MAP1B: variants seen among roughly 807,000 people sequenced by gnomAD.
MAP1B encodes the protein microtubule-associated protein 1B.
In MAP1B, 12 loss-of-function variants were observed where a neutral mutation model predicts 176.1. The observed-to-expected ratio is 0.07, with a 90% confidence interval of 0.04 to 0.11. MAP1B has a LOEUF of 0.11. MAP1B is among the 10% of genes least tolerant of loss of function. The probability of loss-of-function intolerance (pLI) is 1.00; values close to 1 mark genes in which losing one functional copy is unlikely to be tolerated. For synonymous variants in MAP1B, 1,044 were observed against 1,135.0 expected (o/e 0.92, Z 1.61); for missense variants, 2,523 against 2,990.5 (o/e 0.84, Z 3.65).
At position 72,204,945 on chromosome 5, in the gene MAP1B, T is replaced by C. The variant is rs548860370; in HGVS notation, c.7252-139T>C. 6.9e-6 allele frequency: 4 copies of C among 578,168 alleles called. No individual in the cohort carries two copies. Among genetic ancestry groups the C allele is most frequent in the African/African-American group, 5.7e-5 (3 of 53,080 alleles). The allele number at this position is 578,168 out of a possible 1,614,324, so 35.8% of individuals were successfully genotyped here. ...GGAAAATATACATTGAAAAATCCTT[T>C]GCATTTCTTGAGGAAAATAGAAAAG... On this transcript the variant is annotated intron_variant, in intron 6 of 6. Transcript: ENST00000296755. This position sits in a 1 kb window ranked among gnomAD's most constrained non-coding sequence, Gnocchi z 4.4.
rs1747093060 is a variant in MAP1B, at chr5:72,194,249, C to T, written c.894C>T (p.Ile298=). ...GAAAATCCTGCTTCTGGAAGCTCATCCGACACTTAGACCGAGTGGACTCCA... is the reference window on the plus strand; with the variant it reads ...GAAAATCCTGCTTCTGGAAGCTCATTCGACACTTAGACCGAGTGGACTCCA... The part of the protein sequence containing the change: ...SERKSCFWKL[I]RHLDRVDSIL... The change falls in exon 5 of 7, where the codon ATC becomes ATT. Residue 298 remains isoleucine, a synonymous_variant. Transcript: ENST00000296755. This position sits in a 1 kb window ranked among gnomAD's most constrained non-coding sequence, Gnocchi z 7.2. 3 of 1,614,184 alleles carry T rather than the reference C, an allele frequency of 1.9e-6. No homozygotes were observed. Among genetic ancestry groups the T allele is most frequent in the South Asian group, 1.1e-5 (1 of 91,072 alleles).
chr5:72,129,657 G>T (rs534223912), intron 2 of MAP1B, among the ~76,000 whole-genome samples: 1 of 151,728 alleles, frequency 6.6e-6, no homozygotes, highest in African/African-American at 2.4e-5. Flanking sequence ...TCCCTCACGC[G>T]TTTTCCCCTC....
rs1037796278 is a variant in MAP1B, at chr5:72,195,644, A to G, written c.2289A>G (p.Glu763=). The G allele has an allele frequency of 2.2e-5, 35 of 1,614,146 alleles. No individual in the cohort carries two copies. The highest frequency in any genetic ancestry group is 2.9e-5 in the Non-Finnish European group (34 of 1,180,054). Residue 763 remains glutamate (E), a synonymous_variant, in exon 5 of 7, where the codon GAA becomes GAG. Coordinates refer to ENST00000296755, the MANE Select transcript of MAP1B (RefSeq NM_005909.5). ...AALKPKVPKK[E]ESVKKDSVAA... is the part of the protein sequence containing the mutation. Reference sequence around the variant, plus strand: ...TAAAACCAAAAGTACCCAAGAAGGAAGAGTCTGTCAAGAAAGATTCTGTTG... The same window carrying G: ...TAAAACCAAAAGTACCCAAGAAGGAGGAGTCTGTCAAGAAAGATTCTGTTG...
chr5:72,203,195 G>C (rs966360437), intron 5 of MAP1B, among the ~76,000 whole-genome samples: 1 of 152,106 alleles, frequency 6.6e-6, no homozygotes, highest in Admixed American at 6.5e-5. Context: ...CTACTTCTTA[G>C]ATCACTTATC....
At chr5:72,151,513 G>T (rs1341700927) in intron 2 of MAP1B, among the ~76,000 whole-genome samples, 1 of 152,176 alleles carries the variant, frequency 6.6e-6, no homozygotes, top group Non-Finnish European at 1.5e-5. Flanking sequence ...TAAAAAAATG[G>T]CTATGTGGAA....
At position 72,127,160 on chromosome 5, in the gene MAP1B, T is replaced by C. The variant is rs540397253; in HGVS notation, c.286+11361T>C. On this transcript the variant is annotated intron_variant, in intron 2 of 6. Coordinates refer to ENST00000296755, the MANE Select transcript of MAP1B (RefSeq NM_005909.5). ...TAAAAGTCCCAGGCACATTGTTTGT[T>C]ATCGCTAACTGCGGATGGCCTGAAT... 1.5e-4 allele frequency among the ~76,000 whole-genome samples: 23 copies of C among 152,346 alleles called. No homozygotes were observed. In the East Asian group the frequency reaches 4.0e-3, roughly 27 times the overall value.
At chr5:72,130,861 G>A (rs559289414) in intron 2 of MAP1B, among the ~76,000 whole-genome samples, 11 of 152,224 alleles carry the variant, frequency 7.2e-5, no homozygotes, top group African/African-American at 2.6e-4. Flanking sequence ...TTCAAATAAT[G>A]TTTTTTCAAA....
At chr5:72,121,180 A>G (rs904614157) in intron 2 of MAP1B, among the ~76,000 whole-genome samples, 6 of 152,296 alleles carry the variant, frequency 3.9e-5, no homozygotes, top group African/African-American at 9.6e-5. Context: ...ACGTGTGCAC[A>G]GTTTGAGGGC....
chr5:72,188,340 C>G (rs1054353287), intron 4 of MAP1B, among the ~76,000 whole-genome samples: 4 of 152,206 alleles, frequency 2.6e-5, no homozygotes, highest in African/African-American at 9.6e-5. Context: ...AGAGAGAAAG[C>G]TGCAGAAGGC....
intron 2 of MAP1B, among the ~76,000 whole-genome samples, chr5:72,121,241 C>T (rs997212306): frequency 7.4e-5 from 11 of 149,488 alleles, no homozygotes; most frequent in Non-Finnish European, 1.2e-4. Flanking sequence ...CCCTCCACGC[C>T]GTTCTACACT....
At chr5:72,172,776 G>A (rs1251444807) in intron 2 of MAP1B, among the ~76,000 whole-genome samples, 1 of 152,176 alleles carries the variant, frequency 6.6e-6, no homozygotes, top group Non-Finnish European at 1.5e-5. Flanking sequence ...TTTTAAAGGA[G>A]GTCACTTATT....
At chr5:72,203,837 GA>G in intron 6 of MAP1B, 36 bp downstream of exon 6, 1 of 1,590,076 alleles carries the variant, frequency 6.3e-7, no homozygotes, top group Non-Finnish European at 8.6e-7. Context: ...ACTGCCGATT[GA>G]GCTGTGTCCA....
intron 2 of MAP1B, among the ~76,000 whole-genome samples, chr5:72,168,354 G>A (rs760866541): frequency 5.9e-5 from 9 of 152,122 alleles, no homozygotes; most frequent in Non-Finnish European, 1.2e-4. Context: ...CTCTAGGGCC[G>A]GCTTACCTGT....
intron 2 of MAP1B, among the ~76,000 whole-genome samples, chr5:72,173,211 T>G (rs1299753418): frequency 2.0e-5 from 3 of 152,338 alleles, no homozygotes; most frequent in African/African-American, 7.2e-5. Flanking sequence ...TATTCAGCCC[T>G]TTATGCAATA....
chr5:72,192,258 C>T (rs773476920), intron 4 of MAP1B, among the ~76,000 whole-genome samples: 10 of 152,098 alleles, frequency 6.6e-5, no homozygotes, highest in Non-Finnish European at 1.0e-4. Flanking sequence ...TATTTGATGC[C>T]CTATGTTTGC....
At position 72,196,209 on chromosome 5, in the gene MAP1B, G is replaced by A; in HGVS notation, c.2854G>A (p.Glu952Lys). ...YEEKAETEEA[E>K]EPEEDGEEHV... ...AGAGAAGGCAGAAACTGAGGAGGCT[G>A]AGGAGCCAGAAGAGGATGGGGAGGA... The change falls in exon 5 of 7, where the codon GAG (glutamate) becomes AAG (lysine). Residue 952 changes from glutamate (E) to lysine (K), a missense_variant. Glu to Lys is a moderately conservative substitution (Grantham distance 56, BLOSUM62 1). Around this residue, in one of 4 missense-constraint regions of MAP1B, gnomAD observed 1,925 missense variants for 2,126.0 expected, o/e 0.91. Transcript: ENST00000296755. The surrounding 1 kb of genome is among the most constrained non-coding windows in gnomAD (Gnocchi z 5.3). The A allele has an allele frequency of 6.2e-7, 1 of 1,613,636 alleles. No individual in the cohort carries two copies.
Position 72,203,810 on chromosome 5 carries a change from T to C in MAP1B, c.7251+9T>C, listed in dbSNP as rs1747384305. On this transcript the variant is annotated intron_variant, in intron 6 of 6. Transcript: ENST00000296755. ...GGGGCAGCAACATGCAGGTGAGAAC[T>C]CCTCGACAGTGTCTGCACTGCCGAT... 6.2e-7 allele frequency: 1 copy of C among 1,610,386 alleles called. No individual in the cohort carries two copies. The highest frequency in any genetic ancestry group is 2.2e-5 in the East Asian group (1 of 44,862).
rs542849767 is a variant in MAP1B at position 72,177,244 on chromosome 5, C to T, written c.287-6499C>T. On this transcript the variant is annotated intron_variant, in intron 2 of 6. Transcript: ENST00000296755. ...CTCGATCCTTCTCCTGGACCCTCTC[C>T]GGAGCTCTAAGCTGGGGCACCTGGG... 7.2e-5 allele frequency among the ~76,000 whole-genome samples: 11 copies of T among 152,254 alleles called. No individual in the cohort carries two copies. The East Asian group carries it at 7.7e-4, about 11-fold the overall frequency.
chr5:72,184,176 C>G (rs180907287), intron 3 of MAP1B, among the ~76,000 whole-genome samples: 29 of 152,248 alleles, frequency 1.9e-4, no homozygotes, highest in East Asian at 1.9e-4. Context: ...CCTCAGGCCG[C>G]GACATACAGG....
Sources: allele counts gnomAD v4.1 joint callset (sites outside exome capture counted in the v4.1 genomes callset), GRCh38; gene constraint gnomAD v4.1.1; regional missense constraint gnomAD v4.1.1; non-coding constraint Gnocchi (gnomAD v3.1); transcripts MANE v1.5; gene names NCBI Gene and HGNC (gene_info 2026-07-23, HGNC 2026-07-21).